PSME3: variants seen among roughly 807,000 people sequenced by gnomAD.
PSME3 encodes the protein proteasome activator complex subunit 3.
Under a neutral mutation model 38.3 loss-of-function variants are expected in PSME3, and 7 were observed. That is an observed-to-expected ratio of 0.18 (90% confidence interval 0.10 to 0.34). The LOEUF (loss-of-function observed/expected upper bound fraction) is 0.34. Among genes scored for constraint, PSME3 ranks in the 10% least tolerant of loss-of-function variants. PSME3 has a pLI of 1.00. For missense variants in PSME3, 192 were observed against 307.6 expected, an observed-to-expected ratio of 0.62 and a Z score of 2.81; for synonymous variants, 108 against 105.7, an observed-to-expected ratio of 1.02 and a Z score of -0.13.
At chr17:42,836,538 T>G (rs1222986407) in intron 4 of PSME3, among the ~76,000 whole-genome samples, 1 of 152,184 alleles carries the variant, frequency 6.6e-6, no homozygotes, top group African/African-American at 2.4e-5. Flanking sequence ...AGAGCGTAAT[T>G]TGCTTTGTGG....
At chr17:42,837,865 C>T (rs2055482194) in intron 5 of PSME3, 168 bp downstream of exon 5, 3 of 907,446 alleles carry the variant, frequency 3.3e-6, no homozygotes, top group South Asian at 3.3e-5. Flanking sequence ...TGCTCTAAAC[C>T]TGGTTTTCCA....
chr17:42,840,735 G>T (rs1237945783), intron 10 of PSME3, among the ~76,000 whole-genome samples: 1 of 152,216 alleles, frequency 6.6e-6, no homozygotes, highest in Non-Finnish European at 1.5e-5. Context: ...ATACATGTTA[G>T]TTGTTATTAG....
rs1379527014 is a variant in PSME3 at position 42,841,875 on chromosome 17, T to G, written c.*297T>G. On this transcript the variant is annotated 3_prime_UTR_variant, in exon 11 of 11. Transcript: ENST00000590720. ...TGGCACAAAAATACCTGTGTTTTCA[T>G]TCTCCCCCTCTCTCCCTCCTGTGTC... 3.9e-6 allele frequency: 1 copy of G among 254,512 alleles called. No homozygotes were observed. Among genetic ancestry groups the G allele is most frequent in the Non-Finnish European group, 7.5e-6 (1 of 133,840 alleles). 15.8% of individuals were successfully genotyped at this position (254,512 alleles called of 1,614,324 possible).
rs906375640 is a variant in PSME3 at position 42,838,035 on chromosome 17, C to T, written c.293-58C>T. Reference sequence around the variant, plus strand: ...AGGTATAGGGAAAATGAGAGAGAGGCAGGGGATGCTGTGTCCTTCCCTCTT... The same window carrying T: ...AGGTATAGGGAAAATGAGAGAGAGGTAGGGGATGCTGTGTCCTTCCCTCTT... On this transcript the variant is annotated intron_variant, in intron 5 of 10. Transcript: ENST00000590720. 9 of 1,559,538 alleles carry T rather than the reference C, an allele frequency of 5.8e-6. No homozygotes were observed. In the African/African-American group the frequency reaches 9.5e-5, roughly 16 times the overall value.
intron 10 of PSME3, among the ~76,000 whole-genome samples, chr17:42,840,751 TG>T (rs1215562344): frequency 7.2e-5 from 11 of 152,342 alleles, no homozygotes; most frequent in African/African-American, 2.6e-4. Flanking sequence ...ATTAGACACT[TG>T]GGGCCTTGGA....
Position 42,842,287 on chromosome 17 carries a change from C to T in PSME3, c.*709C>T, listed in dbSNP as rs1336494272. ...CATTAGCTAACATACCCTCCCTCTC[C>T]ACAACCCCTGTCACATACCTTTCAG... On this transcript the variant is annotated 3_prime_UTR_variant, in exon 11 of 11. Transcript: ENST00000590720. The T allele has an allele frequency of 6.5e-6, 1 of 152,750 alleles. No homozygotes were observed. The highest frequency in any genetic ancestry group is 1.9e-4 in the East Asian group (1 of 5,334). The allele number at this position is 152,750 out of a possible 1,614,324, so 9.5% of individuals were successfully genotyped here. A position where few individuals can be genotyped will look rare whatever the true frequency, so the allele number is the denominator to read the frequency against.
Position 42,841,503 on chromosome 17 carries a change from T to G in PSME3, c.690T>G (p.Thr230=), listed in dbSNP as rs1381468214. Residue 230 remains threonine, a synonymous_variant, in exon 11 of 11, where the codon ACT becomes ACG. Coordinates refer to ENST00000590720, the MANE Select transcript of PSME3 (RefSeq NM_005789.4). ...CCTGATCCCTCTTCTCTCAGGTCAC[T>G]CTACATGACATGATCCTGAAAAATA... ...IISELRNQYV[T]LHDMILKNIE... 1 of 1,600,438 alleles carries G rather than the reference T, an allele frequency of 6.2e-7. No individual in the cohort carries two copies. Among genetic ancestry groups the G allele is most frequent in the Non-Finnish European group, 8.6e-7 (1 of 1,169,250 alleles).
chr17:42,833,893 C>T (rs755223713), intron 1 of PSME3: 197 of 1,456,696 alleles, frequency 1.4e-4, no homozygotes, highest in Non-Finnish European at 1.8e-4. Flanking sequence ...CCGGGGACAC[C>T]TCCGCGGACA....
chr17:42,841,445 G>GA lies in PSME3; in HGVS notation c.685-52dup, dbSNP rs2144260299. 1.5e-5 allele frequency: 17 copies of GA among 1,169,804 alleles called. No individual in the cohort carries two copies. The South Asian group carries it at 2.5e-4, about 17-fold the overall frequency. 72.5% of individuals were successfully genotyped at this position (1,169,804 alleles called of 1,614,324 possible). Reference sequence around the variant, plus strand: ...TTGTGAAGGGGTCTCTCATTTTCTTGATGAGGTAAGGGTTGTACAGATATG... The same window carrying GA: ...TTGTGAAGGGGTCTCTCATTTTCTTGAATGAGGTAAGGGTTGTACAGATATG... On this transcript the variant is annotated intron_variant, in intron 10 of 10. Coordinates refer to ENST00000590720, the MANE Select transcript of PSME3 (RefSeq NM_005789.4).
rs751210911 is a variant in PSME3, at chr17:42,843,089, C to G, written c.*1511C>G. The G allele has an allele frequency of 2.6e-5, 4 of 152,824 alleles. No individual in the cohort carries two copies. Among genetic ancestry groups the G allele is most frequent in the Non-Finnish European group, 5.9e-5 (4 of 68,074 alleles). 9.5% of individuals were successfully genotyped at this position (152,824 alleles called of 1,614,324 possible). On this transcript the variant is annotated 3_prime_UTR_variant, in exon 11 of 11. Transcript: ENST00000590720. ...ATCCCTTCCAGCTAAAACCCTTCCC[C>G]CTTCCCTCCATGTGTTTCTCAGTTT...
At chr17:42,837,508 TG>T in intron 4 of PSME3, 140 bp from the exon 5 acceptor site, 3 of 958,038 alleles carry the variant, frequency 3.1e-6, no homozygotes, top group Non-Finnish European at 5.0e-6. Context: ...CTTAAAGCTT[TG>T]TATGTACTTA....
Position 42,837,677 on chromosome 17 carries a change from A to G in PSME3, c.272A>G (p.Glu91Gly). ...ACTTATAAGAAGCGAAGGTTGGATG[A>G]GTGTGAAGAAGCCTTCCAAGGTAAG... is the stretch of plus-strand genomic sequence containing the variant. ...GPTYKKRRLDECEEAFQGTKV... is the reference protein window; with the variant it reads ...GPTYKKRRLDGCEEAFQGTKV... The change falls in exon 5 of 11, where the codon GAG (glutamate) becomes GGG (glycine). Residue 91 changes from glutamate (E) to glycine (G), a missense_variant. Physicochemically the swap from Glu to Gly is moderately conservative, Grantham distance 98. Coordinates refer to ENST00000590720, the MANE Select transcript of PSME3 (RefSeq NM_005789.4). 1 of 1,613,966 alleles carries G rather than the reference A, an allele frequency of 6.2e-7. No homozygotes were observed. Among genetic ancestry groups the G allele is most frequent in the East Asian group, 2.2e-5 (1 of 44,872 alleles).
At chr17:42,837,134 C>T (rs958120726) in intron 4 of PSME3, among the ~76,000 whole-genome samples, 2 of 152,118 alleles carry the variant, frequency 1.3e-5, no homozygotes, top group South Asian at 2.1e-4. Context: ...TCACTACAAC[C>T]TCTGCTTCCT....
At chr17:42,837,857 C>A in intron 5 of PSME3, 160 bp downstream of exon 5, 2 of 927,126 alleles carry the variant, frequency 2.2e-6, no homozygotes, top group South Asian at 1.6e-5. Context: ...TTATTGAGTG[C>A]TCTAAACCTG....
chr17:42,838,008 A>G, intron 5 of PSME3, 85 bp from the exon 6 acceptor site: 1 of 1,403,382 alleles, frequency 7.1e-7, no homozygotes, highest in Admixed American at 1.8e-5. Flanking sequence ...ATAGCATCTG[A>G]TAGGTATAGG....
chr17:42,841,477 C>T (rs1378483118), intron 10 of PSME3, 21 bp from the exon 11 acceptor site: 5 of 1,523,640 alleles, frequency 3.3e-6, no homozygotes, highest in Non-Finnish European at 4.5e-6. Context: ...TATGTGATTC[C>T]CCTGATCCCT....
At chr17:42,840,258 G>A (rs1294353821) in intron 10 of PSME3, among the ~76,000 whole-genome samples, 3 of 151,954 alleles carry the variant, frequency 2.0e-5, no homozygotes, top group Admixed American at 6.6e-5. Flanking sequence ...ACTCCAGCCT[G>A]GGCAACAAGA....
chr17:42,838,290 G>A (rs547423069), intron 6 of PSME3, 85 bp downstream of exon 6: 6 of 1,559,082 alleles, frequency 3.8e-6, no homozygotes, highest in African/African-American at 1.4e-5. Flanking sequence ...GGTGGTATGG[G>A]AATTGGCAGA....
rs750781631 is a variant in PSME3 at position 42,841,720 on chromosome 17, T to G, written c.*142T>G. On this transcript the variant is annotated 3_prime_UTR_variant, in exon 11 of 11. Coordinates refer to ENST00000590720, the MANE Select transcript of PSME3 (RefSeq NM_005789.4). ...GTTTTTAGTTAGAGTCTAATGAAAC[T>G]CTCATCTAGTTCTGTGATGTGTTTA... is the stretch of plus-strand genomic sequence containing the variant. 2.9e-5 allele frequency: 16 copies of G among 551,228 alleles called. No homozygotes were observed. Among genetic ancestry groups the G allele is most frequent in the Non-Finnish European group, 5.0e-5 (16 of 320,542 alleles). The allele number at this position is 551,228 out of a possible 1,614,324, so 34.1% of individuals were successfully genotyped here. A position where few individuals can be genotyped will look rare whatever the true frequency, so the allele number is the denominator to read the frequency against.
Sources: allele counts gnomAD v4.1 joint callset (sites outside exome capture counted in the v4.1 genomes callset), GRCh38; gene constraint gnomAD v4.1.1; transcripts MANE v1.5; gene names NCBI Gene and HGNC (gene_info 2026-07-23, HGNC 2026-07-21).